BICD1: variants seen among roughly 807,000 people sequenced by gnomAD.
BICD1 encodes BICD cargo adaptor 1, also known as protein bicaudal D homolog 1.
Under a neutral mutation model 92.5 loss-of-function variants are expected in BICD1, and 35 were observed. The observed-to-expected ratio is 0.38, with a 90% CI of 0.29 to 0.50. The LOEUF (loss-of-function observed/expected upper bound fraction) is 0.50, where lower values mean the gene tolerates loss of function less well. Among genes scored for constraint, BICD1 ranks in the 20% least tolerant of loss-of-function variants. The pLI is 0.93. For synonymous variants in BICD1, 429 were observed against 465.1 expected (o/e 0.92, Z 1.00); for missense variants, 950 against 1,189.8 (o/e 0.80, Z 2.97).
intron 3 of BICD1, among the ~76,000 whole-genome samples, chr12:32,301,382 G>A (rs1052796660): frequency 8.5e-5 from 13 of 152,178 alleles, no homozygotes; most frequent in Admixed American, 6.5e-4. Context: ...AAGGTTGTTT[G>A]CTCGGTGGAA....
At chr12:32,229,478 C>G (rs937313122) in intron 2 of BICD1, among the ~76,000 whole-genome samples, 2 of 151,978 alleles carry the variant, frequency 1.3e-5, no homozygotes, top group East Asian at 3.9e-4. Flanking sequence ...TTTCTGAGAG[C>G]CAAATAAGAA....
chr12:32,246,344 A>G (rs957131952), intron 2 of BICD1, among the ~76,000 whole-genome samples: 2 of 151,654 alleles, frequency 1.3e-5, no homozygotes, highest in African/African-American at 4.8e-5. Flanking sequence ...TTAAAAAAAG[A>G]AAAACAAAAG....
chr12:32,242,419 A>T (rs899277845), intron 2 of BICD1, among the ~76,000 whole-genome samples: 2 of 151,692 alleles, frequency 1.3e-5, no homozygotes, highest in Non-Finnish European at 2.9e-5. Flanking sequence ...CCCAGCTACT[A>T]GGGAGGCCAA....
At position 32,367,816 on chromosome 12, in the gene BICD1, A is replaced by G. The variant is rs1939583553; in HGVS notation, c.2840+71A>G. The G allele has an allele frequency of 3.7e-6, 5 of 1,347,332 alleles. No individual in the cohort carries two copies. The South Asian group carries it at 5.9e-5, about 16-fold the overall frequency. 83.5% of individuals were successfully genotyped at this position (1,347,332 alleles called of 1,614,324 possible). A position where few individuals can be genotyped will look rare whatever the true frequency, so the allele number is the denominator to read the frequency against. On this transcript the variant is annotated intron_variant, in intron 9 of 9. Transcript: ENST00000652176. ...CCATAGACCCCAGCTCCCCTTTCCG[A>G]CACCTGAACTGCCTACGCATCATTG...
chr12:32,171,473 CA>C (rs1325863730), intron 1 of BICD1, among the ~76,000 whole-genome samples: 2 of 152,198 alleles, frequency 1.3e-5, no homozygotes, highest in East Asian at 3.8e-4. Flanking sequence ...CTTTCCTTAT[CA>C]CTTCAAGTCT....
intron 1 of BICD1, among the ~76,000 whole-genome samples, chr12:32,157,144 G>A (rs1943463874): frequency 6.6e-6 from 1 of 152,082 alleles, no homozygotes; most frequent in South Asian, 2.1e-4. Flanking sequence ...TACAAGTTTT[G>A]AAAATATTTG....
intron 9 of BICD1, among the ~76,000 whole-genome samples, chr12:32,374,827 T>A (rs552421313): frequency 4.2e-5 from 6 of 144,412 alleles, no homozygotes; most frequent in Non-Finnish European, 9.0e-5. Context: ...CCACAGGTGA[T>A]CCGCCTGCCT....
intron 1 of BICD1, among the ~76,000 whole-genome samples, chr12:32,210,124 T>A (rs2121549802): frequency 6.7e-6 from 1 of 149,880 alleles, no homozygotes; most frequent in East Asian, 1.9e-4. Flanking sequence ...ATCACAGAGT[T>A]TTTTTTTTTT....
At chr12:32,175,915 G>T (rs1413544197) in intron 1 of BICD1, among the ~76,000 whole-genome samples, 1 of 152,064 alleles carries the variant, frequency 6.6e-6, no homozygotes, top group African/African-American at 2.4e-5. Context: ...ACAAGCAATC[G>T]TTAATTTACT....
intron 8 of BICD1, among the ~76,000 whole-genome samples, chr12:32,366,377 T>C (rs1939524972): frequency 6.6e-6 from 1 of 152,230 alleles, no homozygotes; most frequent in Non-Finnish European, 1.5e-5. Context: ...CCCAGCACTT[T>C]GGGAGGCCGA....
chr12:32,362,377 A>AG (rs1434409351), intron 8 of BICD1, among the ~76,000 whole-genome samples: 7 of 152,178 alleles, frequency 4.6e-5, no homozygotes, highest in Non-Finnish European at 1.0e-4. Flanking sequence ...AAAAAAAGAA[A>AG]ATTGGTTAGT....
chr12:32,337,640 GT>G lies in BICD1; in HGVS notation c.2397del (p.Phe799LeufsTer23). ...TGACCCAGAGGCTGGAGGACTTAGA[GT>G]TTGACCATGAGCAGTCCCGACGCAG... ...ALTQRLEDLE[F>X]DHEQSRRSKG... On this transcript the variant is annotated frameshift_variant, in exon 7 of 10. Coordinates refer to ENST00000652176, the MANE Select transcript of BICD1 (RefSeq NM_001714.4). LOFTEE classifies it high-confidence loss of function. The surrounding 1 kb of genome is among the most constrained non-coding windows in gnomAD (Gnocchi z 4.7). 1 of 1,614,188 alleles carries G rather than the reference GT, an allele frequency of 6.2e-7. No individual in the cohort carries two copies. Among genetic ancestry groups the G allele is most frequent in the Non-Finnish European group, 8.5e-7 (1 of 1,180,030 alleles).
At chr12:32,307,619 A>G (rs1948265406) in intron 4 of BICD1, among the ~76,000 whole-genome samples, 1 of 152,222 alleles carries the variant, frequency 6.6e-6, no homozygotes, top group Non-Finnish European at 1.5e-5. Context: ...GAGGCTGTTA[A>G]GCCTCTGGCA....
chr12:32,330,938 C>A (rs1234623518), intron 5 of BICD1, among the ~76,000 whole-genome samples: 1 of 152,170 alleles, frequency 6.6e-6, no homozygotes, highest in African/African-American at 2.4e-5. Context: ...AGTTTGAGAC[C>A]AGCCTGACCA....
At chr12:32,365,024 T>C (rs1029023113) in intron 8 of BICD1, among the ~76,000 whole-genome samples, 1 of 152,134 alleles carries the variant, frequency 6.6e-6, no homozygotes, top group Non-Finnish European at 1.5e-5. Context: ...TCACCCGAAG[T>C]CAGGAGTTAG....
intron 2 of BICD1, among the ~76,000 whole-genome samples, chr12:32,226,120 A>G (rs1351660590): frequency 1.3e-5 from 2 of 151,946 alleles, no homozygotes; most frequent in Non-Finnish European, 2.9e-5. Flanking sequence ...TTTCCTAGGT[A>G]AGTTTTTTTG....
chr12:32,119,330 C>T (rs1411648099), intron 1 of BICD1, among the ~76,000 whole-genome samples: 4 of 152,194 alleles, frequency 2.6e-5, no homozygotes, highest in South Asian at 4.1e-4. Context: ...CTGAGGTCTT[C>T]TCTGAGAAGA....
rs373702037 is a variant in BICD1 at position 32,296,246 on chromosome 12, G to GTT, written c.579+2108_579+2109dup. On this transcript the variant is annotated intron_variant, in intron 3 of 9. Transcript: ENST00000652176. The stretch of plus-strand genomic sequence containing the variant: ...CGAATACTTTTTAAAATAAGAAGGG[G>GTT]TTTTTTTTTGTTTTTTTTTTTTTTT... Among the ~76,000 whole-genome samples, 189 of 108,640 alleles carry GTT rather than the reference G, an allele frequency of 1.7e-3. 8 individuals are homozygous for GTT. The highest frequency in any genetic ancestry group is 3.6e-3 in the African/African-American group (105 of 28,836). The allele number at this position is 108,640 out of a possible 152,430, so 71.3% of individuals were successfully genotyped here. A position where few individuals can be genotyped will look rare whatever the true frequency, so the allele number is the denominator to read the frequency against.
At chr12:32,257,339 T>TA (rs562787193) in intron 2 of BICD1, among the ~76,000 whole-genome samples, 9 of 151,934 alleles carry the variant, frequency 5.9e-5, no homozygotes, top group Non-Finnish European at 1.2e-4. Flanking sequence ...AGCATATACA[T>TA]ATAAAATTAT....
Sources: gnomAD v4.1 joint callset for allele counts (sites outside exome capture counted in the v4.1 genomes callset) on GRCh38, gnomAD v4.1.1 for gene constraint, Gnocchi (gnomAD v3.1) non-coding constraint, MANE v1.5 for transcripts, NCBI Gene and HGNC (gene_info 2026-07-23, HGNC 2026-07-21) for gene names.